Variants in RFPL1 observed in about 807,000 individuals in gnomAD.
RFPL1 encodes the protein ret finger protein like 1.
A neutral mutation model predicts 9.6 loss-of-function variants in RFPL1; 6 were observed. The observed-to-expected ratio is 0.62, with a 90% CI of 0.34 to 1.23. The LOEUF is 1.23. RFPL1 is among the 50% of genes most tolerant of loss of function. The pLI is 0.03. For missense variants in RFPL1, 352 were observed against 398.4 expected (o/e 0.88, Z 0.99); for synonymous variants, 145 against 149.4 (o/e 0.97, Z 0.22).
chr22:29,414,686 T>A, the RFPL1 span, among the ~76,000 whole-genome samples: 1 of 152,190 alleles, frequency 6.6e-6, no homozygotes, highest in Non-Finnish European at 1.5e-5. Context: ...GTATGGTAAT[T>A]AAGATTTAAA....
the RFPL1 span, among the ~76,000 whole-genome samples, chr22:29,419,533 G>A: frequency 1.1e-4 from 17 of 152,162 alleles, no homozygotes; most frequent in Non-Finnish European, 1.9e-4. Flanking sequence ...AGCTGGGCAC[G>A]GTGGCTCATG....
At chr22:29,439,217 A>G in intron 1 of RFPL1, 53 bp downstream of exon 1, 1 of 1,569,634 alleles carries the variant, frequency 6.4e-7, no homozygotes. Flanking sequence ...AGGAAAAATC[A>G]TCTGTGCAAC....
At chr22:29,418,924 T>C in the RFPL1 span, among the ~76,000 whole-genome samples, 5 of 152,202 alleles carry the variant, frequency 3.3e-5, no homozygotes, top group African/African-American at 1.2e-4. Context: ...CTGCTGCCTT[T>C]CCCACCTACT....
At chr22:29,401,514 C>T in the RFPL1 span, among the ~76,000 whole-genome samples, 1 of 152,232 alleles carries the variant, frequency 6.6e-6, no homozygotes, top group Admixed American at 6.5e-5. Flanking sequence ...GCTATTTACA[C>T]AGTCCATCAA....
chr22:29,408,737 G>A, the RFPL1 span, among the ~76,000 whole-genome samples: 1 of 152,192 alleles, frequency 6.6e-6, no homozygotes, highest in African/African-American at 2.4e-5. Flanking sequence ...GATTGAAAAT[G>A]GCAGTCAAAG....
chr22:29,418,993 G>A, the RFPL1 span, among the ~76,000 whole-genome samples: 1 of 152,152 alleles, frequency 6.6e-6, no homozygotes, highest in Non-Finnish European at 1.5e-5. Flanking sequence ...TGATTCCTGT[G>A]TAAACAAAAC....
At chr22:29,390,823 C>G in the RFPL1 span, among the ~76,000 whole-genome samples, 6 of 150,682 alleles carry the variant, frequency 4.0e-5, no homozygotes, top group Non-Finnish European at 7.4e-5. Flanking sequence ...TGGTCTGGCT[C>G]TCCTGACCTT....
chr22:29,414,998 A>G, the RFPL1 span, among the ~76,000 whole-genome samples: 1 of 152,090 alleles, frequency 6.6e-6, no homozygotes, highest in South Asian at 2.1e-4. Flanking sequence ...CAGAATCAAA[A>G]CCAAAACCAA....
chr22:29,437,798 G>A, upstream of RFPL1: 2 of 1,443,776 alleles, frequency 1.4e-6, no homozygotes, highest in South Asian at 1.3e-5. Context: ...TGCCTTGGGG[G>A]ATGAATGAGA....
At chr22:29,442,040 G>A in exon 2 of RFPL1, 1 of 1,613,918 alleles carries the variant, frequency 6.2e-7, no homozygotes, top group Non-Finnish European at 8.5e-7. Flanking sequence ...CCACCTAATG[G>A]TGATAAGAGT....
intron 1 of RFPL1, 177 bp downstream of exon 1, chr22:29,439,341 A>G (rs1056165801): frequency 4.9e-6 from 5 of 1,027,392 alleles, no homozygotes; most frequent in African/African-American, 3.2e-5. Context: ...GTGATCTCCA[A>G]AAAAAAGGCT....
chr22:29,398,804 A>G, the RFPL1 span, among the ~76,000 whole-genome samples: 1 of 152,314 alleles, frequency 6.6e-6, no homozygotes, highest in South Asian at 2.1e-4. Flanking sequence ...ATTTGTAAGC[A>G]CTGTCCTATG....
chr22:29,423,795 T>C, the RFPL1 span, among the ~76,000 whole-genome samples: 1 of 152,210 alleles, frequency 6.6e-6, no homozygotes, highest in South Asian at 2.1e-4. Flanking sequence ...ACATGTATGA[T>C]TCATCTGTGG....
At chr22:29,406,774 A>G in the RFPL1 span, among the ~76,000 whole-genome samples, 1,765 of 152,338 alleles carry the variant, frequency 0.012, 39 homozygotes, top group African/African-American at 0.041. Context: ...ATTTCCTGGA[A>G]TCTATAAGAA....
At chr22:29,405,710 T>C in the RFPL1 span, among the ~76,000 whole-genome samples, 1 of 152,214 alleles carries the variant, frequency 6.6e-6, no homozygotes, top group Non-Finnish European at 1.5e-5. Context: ...GTGGTAACTC[T>C]GGGCAAGTCA....
At chr22:29,420,633 G>GTTTT in the RFPL1 span, among the ~76,000 whole-genome samples, 13 of 20,392 alleles carry the variant, frequency 6.4e-4, no homozygotes, top group African/African-American at 1.2e-3. Context: ...ATGGTTTTTT[G>GTTTT]CTTTTTTTTT....
the RFPL1 span, among the ~76,000 whole-genome samples, chr22:29,406,812 C>T: frequency 6.6e-6 from 1 of 152,070 alleles, no homozygotes. Context: ...GGTTTGGACG[C>T]CCGCTCCAAG....
chr22:29,428,968 A>G, the RFPL1 span, among the ~76,000 whole-genome samples: 1 of 152,234 alleles, frequency 6.6e-6, no homozygotes, highest in African/African-American at 2.4e-5. Flanking sequence ...CCAAAATGAG[A>G]AGAAAAGAGA....
chr22:29,431,325 C>A, the RFPL1 span, among the ~76,000 whole-genome samples: 1 of 152,124 alleles, frequency 6.6e-6, no homozygotes, highest in South Asian at 2.1e-4. Flanking sequence ...TTAGAGAGAC[C>A]CTGGGTCACC....
Sources: allele counts gnomAD v4.1 joint callset (sites outside exome capture counted in the v4.1 genomes callset), GRCh38; gene constraint gnomAD v4.1.1; transcripts MANE v1.5; gene names NCBI Gene and HGNC (gene_info 2026-07-23, HGNC 2026-07-21).